ADGRB3: variants seen among roughly 807,000 people sequenced by gnomAD.
The protein encoded by ADGRB3 is adhesion G protein-coupled receptor B3, also known as brain-specific angiogenesis inhibitor 3.
In ADGRB3, 37 loss-of-function variants were observed where a neutral mutation model predicts 193.4. The observed-to-expected ratio is 0.19, with a 90% CI of 0.15 to 0.25. The LOEUF (loss-of-function observed/expected upper bound fraction) is 0.25, where lower values mean the gene tolerates loss of function less well. ADGRB3 is among the 10% of genes least tolerant of loss of function. ADGRB3 has a pLI of 1.00. For synonymous variants in ADGRB3, 690 were observed against 644.2 expected, an observed-to-expected ratio of 1.07 and a Z score of -1.08; for missense variants, 1,637 against 1,852.9, an observed-to-expected ratio of 0.88 and a Z score of 2.14.
At chr6:68,735,888 G>A (rs138711118) in intron 3 of ADGRB3, among the ~76,000 whole-genome samples, 1 of 152,206 alleles carries the variant, frequency 6.6e-6, no homozygotes, top group African/African-American at 2.4e-5. Context: ...AGTCTTTATA[G>A]AGCAGCAATC....
chr6:69,173,762 A>G (rs1329845246), intron 17 of ADGRB3, among the ~76,000 whole-genome samples: 1 of 152,196 alleles, frequency 6.6e-6, no homozygotes, highest in Non-Finnish European at 1.5e-5. Flanking sequence ...AGGTGGATAA[A>G]AAAGGTCAGA....
intron 3 of ADGRB3, among the ~76,000 whole-genome samples, chr6:68,813,173 C>A (rs1421984836): frequency 6.6e-6 from 1 of 152,070 alleles, no homozygotes; most frequent in Admixed American, 6.6e-5. Flanking sequence ...GGTTTATCAG[C>A]GGTTTCCACT....
At chr6:69,380,924 C>G (rs1218685862) in intron 30 of ADGRB3, among the ~76,000 whole-genome samples, 2 of 151,810 alleles carry the variant, frequency 1.3e-5, no homozygotes, top group African/African-American at 2.4e-5. Flanking sequence ...GTACATCACC[C>G]CACTGTGCCA....
chr6:68,998,818 G>T (rs1338117575), intron 11 of ADGRB3, among the ~76,000 whole-genome samples: 1 of 152,190 alleles, frequency 6.6e-6, no homozygotes, highest in Non-Finnish European at 1.5e-5. Flanking sequence ...CCCCGAAGAG[G>T]TGGTGCAGAG....
At chr6:69,190,908 T>A (rs1765172192) in intron 17 of ADGRB3, among the ~76,000 whole-genome samples, 1 of 151,964 alleles carries the variant, frequency 6.6e-6, no homozygotes, top group Non-Finnish European at 1.5e-5. Flanking sequence ...GCCTGAGGAA[T>A]AAGCTGTACC....
At chr6:68,721,564 A>C (rs1475660003) in intron 3 of ADGRB3, among the ~76,000 whole-genome samples, 4 of 150,876 alleles carry the variant, frequency 2.7e-5, no homozygotes, top group East Asian at 3.9e-4. Flanking sequence ...AACGTGGCAC[A>C]TGTATATATA....
Position 68,684,245 on chromosome 6 carries a change from T to G in ADGRB3, c.757+44813T>G, listed in dbSNP as rs540859790. On this transcript the variant is annotated intron_variant, in intron 3 of 31. Coordinates refer to ENST00000370598, the MANE Select transcript of ADGRB3 (RefSeq NM_001704.3). ...TGTCCCTGTCACTCTGGATTTAATC[T>G]ACTTGGTTTATCTACCTTGTCAGTC... Among the ~76,000 whole-genome samples the G allele has an allele frequency of 1.0e-3, 157 of 152,274 alleles. 2 individuals carry two copies. In the South Asian group the frequency reaches 0.012, roughly 11 times the overall value.
chr6:68,695,691 A>G (rs997643634), intron 3 of ADGRB3, among the ~76,000 whole-genome samples: 1 of 151,852 alleles, frequency 6.6e-6, no homozygotes, highest in African/African-American at 2.4e-5. Context: ...GTCCACAGCG[A>G]GTGAGACTTG....
chr6:68,849,290 T>A (rs1329344345), intron 3 of ADGRB3, among the ~76,000 whole-genome samples: 4 of 151,806 alleles, frequency 2.6e-5, no homozygotes, highest in Admixed American at 2.6e-4. Flanking sequence ...GTCTAAGGAA[T>A]GACCACAATG....
chr6:69,054,128 G>A (rs1771478486), intron 15 of ADGRB3, among the ~76,000 whole-genome samples: 1 of 151,856 alleles, frequency 6.6e-6, no homozygotes, highest in African/African-American at 2.4e-5. Flanking sequence ...CCACTATAGT[G>A]GAATAAAGGA....
chr6:69,326,749 CA>C (rs983198030), intron 21 of ADGRB3, among the ~76,000 whole-genome samples: 1 of 147,538 alleles, frequency 6.8e-6, no homozygotes, highest in Non-Finnish European at 1.5e-5. Context: ...TCCAGTCAAT[CA>C]AAAAAAATCA....
intron 17 of ADGRB3, among the ~76,000 whole-genome samples, chr6:69,078,416 T>C (rs564578451): frequency 1.3e-5 from 2 of 152,164 alleles, no homozygotes; most frequent in African/African-American, 4.8e-5. Context: ...CATTTATACA[T>C]TGACGTGTAT....
At chr6:68,887,910 A>T (rs1765954628) in intron 3 of ADGRB3, among the ~76,000 whole-genome samples, 1 of 152,166 alleles carries the variant, frequency 6.6e-6, no homozygotes. Context: ...ATGAACAATC[A>T]TAAAACCCAA....
At chr6:69,340,568 CT>C (rs1768953116) in intron 26 of ADGRB3, among the ~76,000 whole-genome samples, 1 of 152,132 alleles carries the variant, frequency 6.6e-6, no homozygotes, top group South Asian at 2.1e-4. Context: ...TAACTAGAGG[CT>C]TTTACCTGAT....
intron 13 of ADGRB3, among the ~76,000 whole-genome samples, chr6:69,032,020 T>C (rs1242754470): frequency 2.0e-5 from 3 of 152,096 alleles, no homozygotes; most frequent in Non-Finnish European, 4.4e-5. Context: ...AAGAGAAGTG[T>C]TGCGTAAAGG....
chr6:69,077,044 A>G (rs1018392593), intron 17 of ADGRB3, among the ~76,000 whole-genome samples: 4 of 152,020 alleles, frequency 2.6e-5, no homozygotes, highest in Non-Finnish European at 5.9e-5. Flanking sequence ...AATTACAATT[A>G]ATATTAAACA....
chr6:69,137,393 G>A (rs1207708273), intron 17 of ADGRB3, among the ~76,000 whole-genome samples: 1 of 151,400 alleles, frequency 6.6e-6, no homozygotes, highest in African/African-American at 2.4e-5. Flanking sequence ...TCATCTGGAT[G>A]GACCAGCTGA....
chr6:69,223,638 ATCTC>A (rs1166700362), intron 17 of ADGRB3, among the ~76,000 whole-genome samples: 42 of 141,030 alleles, frequency 3.0e-4, no homozygotes, highest in African/African-American at 8.8e-4. Flanking sequence ...ATTTTTTTGA[ATCTC>A]TCTCTCTCTC....
chr6:69,294,774 T>C (rs1767771679), intron 20 of ADGRB3, among the ~76,000 whole-genome samples: 2 of 152,286 alleles, frequency 1.3e-5, no homozygotes, highest in South Asian at 2.1e-4. Flanking sequence ...TTTTTGTTGT[T>C]GTTGTTTGTT....
Sources: allele counts gnomAD v4.1 joint callset (sites outside exome capture counted in the v4.1 genomes callset), GRCh38; gene constraint gnomAD v4.1.1; transcripts MANE v1.5; gene names NCBI Gene and HGNC (gene_info 2026-07-23, HGNC 2026-07-21).